Variants in SEMA6D observed in about 807,000 individuals in gnomAD.
SEMA6D encodes semaphorin 6D, also known as semaphorin-6D.
SEMA6D carries 35 observed loss-of-function variants against 106.6 expected under a neutral mutation model. That is an observed-to-expected ratio of 0.33 (90% CI 0.25 to 0.44). The LOEUF is 0.44. Among genes scored for constraint, SEMA6D ranks in the 20% least tolerant of loss-of-function variants. The pLI is 1.00. For synonymous variants in SEMA6D, 499 were observed against 487.7 expected (o/e 1.02, Z -0.31); for missense variants, 1,185 against 1,345.9 (o/e 0.88, Z 1.87).
At chr15:47,559,911 A>G (rs955043318) in intron 3 of SEMA6D, among the ~76,000 whole-genome samples, 36 of 152,130 alleles carry the variant, frequency 2.4e-4, no homozygotes, top group African/African-American at 8.4e-4. Flanking sequence ...CTTTTGACCA[A>G]TCTTGGGCTG....
At chr15:47,408,695 T>C (rs2040680814) in intron 1 of SEMA6D, among the ~76,000 whole-genome samples, 1 of 152,188 alleles carries the variant, frequency 6.6e-6, no homozygotes, top group Non-Finnish European at 1.5e-5. Flanking sequence ...ATTGACACAA[T>C]GAGGAAAGAC....
chr15:47,323,358 G>A (rs1226609300), intron 1 of SEMA6D, among the ~76,000 whole-genome samples: 1 of 152,158 alleles, frequency 6.6e-6, no homozygotes, highest in Non-Finnish European at 1.5e-5. Context: ...GAGTAAGGCA[G>A]AGTAGAATTT....
At chr15:47,747,888 T>G (rs913864269) in intron 1 of SEMA6D, among the ~76,000 whole-genome samples, 8 of 152,226 alleles carry the variant, frequency 5.3e-5, no homozygotes, top group Admixed American at 3.9e-4. Context: ...GCAAGCTGAT[T>G]TTCATTTTAT....
chr15:47,611,917 A>G (rs938497407), intron 4 of SEMA6D, among the ~76,000 whole-genome samples: 1 of 152,214 alleles, frequency 6.6e-6, no homozygotes, highest in Non-Finnish European at 1.5e-5. Context: ...ACTGCTTAAC[A>G]GTGGCATTGA....
intron 3 of SEMA6D, among the ~76,000 whole-genome samples, chr15:47,481,784 A>G (rs2043160572): frequency 6.6e-6 from 1 of 152,160 alleles, no homozygotes; most frequent in Non-Finnish European, 1.5e-5. Context: ...AATGCATGTC[A>G]TGTATAATTC....
At chr15:47,217,623 CAT>C (rs970172416) in intron 1 of SEMA6D, among the ~76,000 whole-genome samples, 19 of 148,106 alleles carry the variant, frequency 1.3e-4, no homozygotes, top group African/African-American at 4.5e-4. Flanking sequence ...ATGTAATAGT[CAT>C]ATGTATTTTA....
chr15:47,539,763 T>C (rs1372436067), intron 3 of SEMA6D, among the ~76,000 whole-genome samples: 1 of 152,180 alleles, frequency 6.6e-6, no homozygotes, highest in Non-Finnish European at 1.5e-5. Flanking sequence ...TTATTTGTGC[T>C]TAGCACTGTG....
chr15:47,533,809 A>G (rs945944093), intron 3 of SEMA6D, among the ~76,000 whole-genome samples: 3 of 152,228 alleles, frequency 2.0e-5, no homozygotes, highest in Admixed American at 6.5e-5. Flanking sequence ...TGAGTTTAAC[A>G]TAGAAGCCAA....
chr15:47,625,370 C>T (rs987658306), intron 4 of SEMA6D, among the ~76,000 whole-genome samples: 17 of 152,134 alleles, frequency 1.1e-4, no homozygotes, highest in Non-Finnish European at 1.9e-4. Context: ...CAATCATCTG[C>T]CATGTGTGGT....
chr15:47,575,496 G>A (rs138289147), intron 3 of SEMA6D, among the ~76,000 whole-genome samples: 3 of 152,282 alleles, frequency 2.0e-5, no homozygotes, highest in African/African-American at 7.2e-5. Context: ...GAGGTGGGCA[G>A]ATCACGAGGT....
At chr15:47,683,521 A>T (rs1277321111) in intron 4 of SEMA6D, among the ~76,000 whole-genome samples, 1 of 152,224 alleles carries the variant, frequency 6.6e-6, no homozygotes, top group African/African-American at 2.4e-5. Flanking sequence ...GCATCATATT[A>T]TAAACTCTGT....
At chr15:47,741,890 T>C (rs868132036) in intron 1 of SEMA6D, among the ~76,000 whole-genome samples, 32 of 152,308 alleles carry the variant, frequency 2.1e-4, no homozygotes, top group South Asian at 4.2e-4. Flanking sequence ...AGGAGGTAGA[T>C]GAGCAATTCT....
chr15:47,329,877 C>T (rs1385803500), intron 1 of SEMA6D, among the ~76,000 whole-genome samples: 2 of 152,192 alleles, frequency 1.3e-5, no homozygotes, highest in African/African-American at 2.4e-5. Flanking sequence ...TAGTCATCAT[C>T]TCCTCAACTG....
chr15:47,643,581 G>T (rs2077528622), intron 4 of SEMA6D, among the ~76,000 whole-genome samples: 1 of 152,268 alleles, frequency 6.6e-6, no homozygotes, highest in South Asian at 2.1e-4. Context: ...AACTTCCAAG[G>T]AATGTTAACC....
chr15:47,193,899 C>T (rs1220181350), intron 1 of SEMA6D, among the ~76,000 whole-genome samples: 6 of 152,084 alleles, frequency 3.9e-5, no homozygotes, highest in African/African-American at 1.4e-4. Flanking sequence ...TCAATTTGAG[C>T]TTTTCTTTTG....
At chr15:47,254,049 C>T (rs1368897154) in intron 1 of SEMA6D, among the ~76,000 whole-genome samples, 1 of 151,494 alleles carries the variant, frequency 6.6e-6, no homozygotes, top group East Asian at 1.9e-4. Context: ...TAATAGTCTT[C>T]ATTGTAGAGA....
intron 3 of SEMA6D, among the ~76,000 whole-genome samples, chr15:47,536,882 G>A (rs1245417440): frequency 1.3e-5 from 2 of 152,186 alleles, no homozygotes; most frequent in Non-Finnish European, 2.9e-5. Context: ...TATTTAGGGA[G>A]TAATTTCTCC....
chr15:47,227,063 CAA>C (rs925521433), intron 1 of SEMA6D, among the ~76,000 whole-genome samples: 1 of 151,966 alleles, frequency 6.6e-6, no homozygotes, highest in African/African-American at 2.4e-5. Flanking sequence ...GTTAAAATGC[CAA>C]AGACCACAAA....
At chr15:47,351,336 A>C (rs181774475) in intron 1 of SEMA6D, among the ~76,000 whole-genome samples, 14 of 152,288 alleles carry the variant, frequency 9.2e-5, no homozygotes, top group African/African-American at 3.4e-4. Context: ...TCTAAAGGTT[A>C]ATCTAGCACT....
Sources: allele counts gnomAD v4.1 joint callset (sites outside exome capture counted in the v4.1 genomes callset), GRCh38; gene constraint gnomAD v4.1.1; transcripts MANE v1.5; gene names NCBI Gene and HGNC (gene_info 2026-07-23, HGNC 2026-07-21).